The following PARD3 variants were observed in gnomAD, a reference collection of about 807,000 sequenced individuals.
The protein encoded by PARD3 is partitioning defective 3 homolog.
A neutral mutation model predicts 155.4 loss-of-function variants in PARD3; 75 were observed. That is an observed-to-expected ratio of 0.48 (90% CI 0.40 to 0.58). The LOEUF (loss-of-function observed/expected upper bound fraction) is 0.58, where lower values mean the gene tolerates loss of function less well. PARD3 is among the 20% of genes least tolerant of loss of function. The pLI, the probability that PARD3 is intolerant of heterozygous loss-of-function variation, is 0.00. For missense variants in PARD3, 1,642 were observed against 1,721.7 expected (o/e 0.95, Z 0.82); for synonymous variants, 576 against 610.5 (o/e 0.94, Z 0.83).
intron 1 of PARD3, among the ~76,000 whole-genome samples, chr10:34,747,926 G>C (rs1479366892): frequency 1.3e-5 from 2 of 152,070 alleles, no homozygotes; most frequent in Non-Finnish European, 2.9e-5. Context: ...ACTGGTCCAG[G>C]CTCCCCTTGT....
chr10:34,562,129 A>G (rs1439972050), intron 2 of PARD3, among the ~76,000 whole-genome samples: 2 of 131,446 alleles, frequency 1.5e-5, no homozygotes, highest in African/African-American at 3.8e-5. Context: ...GTCTCAAAAA[A>G]AAAAAAAAAA....
chr10:34,348,909 G>GCTA (rs1318557981), intron 14 of PARD3, among the ~76,000 whole-genome samples: 3 of 152,158 alleles, frequency 2.0e-5, no homozygotes, highest in Non-Finnish European at 2.9e-5. Context: ...TCTTAAAACA[G>GCTA]CTAGCTGTGT....
At chr10:34,419,199 T>G (rs1389295238) in intron 5 of PARD3, among the ~76,000 whole-genome samples, 3 of 152,064 alleles carry the variant, frequency 2.0e-5, no homozygotes, top group African/African-American at 7.2e-5. Flanking sequence ...GGTTCAGTGT[T>G]GAGGGGAGAA....
intron 19 of PARD3, among the ~76,000 whole-genome samples, chr10:34,321,485 G>T (rs1439780765): frequency 6.6e-6 from 1 of 152,114 alleles, no homozygotes; most frequent in African/African-American, 2.4e-5. Context: ...CAAACAAATA[G>T]AAATTTCCAT....
chr10:34,813,663 T>G (rs1431161516), intron 1 of PARD3, among the ~76,000 whole-genome samples: 1 of 152,104 alleles, frequency 6.6e-6, no homozygotes, highest in African/African-American at 2.4e-5. Context: ...AAAACAAAAG[T>G]CTAAAAAGCT....
intron 5 of PARD3, among the ~76,000 whole-genome samples, chr10:34,445,376 T>A (rs2076685528): frequency 6.6e-6 from 1 of 152,226 alleles, no homozygotes; most frequent in Non-Finnish European, 1.5e-5. Flanking sequence ...CAGATTTTAG[T>A]TTAATCAATT....
intron 22 of PARD3, among the ~76,000 whole-genome samples, chr10:34,261,793 G>GAAAGA (rs1955013823): frequency 1.1e-4 from 6 of 52,464 alleles, no homozygotes; most frequent in Admixed American, 2.2e-4. Flanking sequence ...AAGAAAGAAA[G>GAAAGA]AAAGAAAGAA....
chr10:34,399,281 T>G (rs753793526), intron 7 of PARD3, 49 bp downstream of exon 7: 1 of 1,138,750 alleles, frequency 8.8e-7, no homozygotes, highest in Admixed American at 1.7e-5. Context: ...TAAATGAAGA[T>G]AAAACACTCT....
intron 22 of PARD3, among the ~76,000 whole-genome samples, chr10:34,262,972 G>A (rs1481085215): frequency 6.6e-6 from 1 of 152,210 alleles, no homozygotes; most frequent in Non-Finnish European, 1.5e-5. Flanking sequence ...AGTTCATGAT[G>A]TGATGTAATT....
At chr10:34,192,216 T>C (rs987033988) in intron 22 of PARD3, among the ~76,000 whole-genome samples, 2 of 152,050 alleles carry the variant, frequency 1.3e-5, no homozygotes, top group Non-Finnish European at 2.9e-5. Flanking sequence ...TACAGGCATA[T>C]GTCACCATGC....
Position 34,337,324 on chromosome 10 carries a change from A to T in PARD3, c.2511T>A (p.Ser837Arg). ...EKRTKQFSDA[S>R]QLDFVKTRKS... ...TTCGTGTTTTAACGAAATCCAATTG[A>T]CTGGCATCTGAAAATTGCTTTGTGC... The change falls in exon 17 of 25, where the codon AGT (serine) becomes AGA (arginine). Residue 837 changes from serine (S) to arginine (R), a missense_variant. Coordinates refer to ENST00000374788, the MANE Select transcript of PARD3 (RefSeq NM_001184785.2). 1 of 1,602,720 alleles carries T rather than the reference A, an allele frequency of 6.2e-7. No homozygotes were observed. Among genetic ancestry groups the T allele is most frequent in the Non-Finnish European group, 8.5e-7 (1 of 1,174,636 alleles).
rs531899719 is a variant in PARD3 at position 34,532,919 on chromosome 10, A to G, written c.223-15760T>C. Among the ~76,000 whole-genome samples, 4 of 152,340 alleles carry G rather than the reference A, an allele frequency of 2.6e-5. No homozygotes were observed. The South Asian group carries it at 6.2e-4, about 24-fold the overall frequency. Reference sequence around the variant, plus strand: ...CATTGTTGTGTGAACATCATAGAGTATATTACATAAACCTGGAGGTATACC... The same window carrying G: ...CATTGTTGTGTGAACATCATAGAGTGTATTACATAAACCTGGAGGTATACC... On this transcript the variant is annotated intron_variant, in intron 2 of 24. Transcript: ENST00000374788.
At chr10:34,550,442 G>A (rs1406626358) in intron 2 of PARD3, among the ~76,000 whole-genome samples, 10 of 152,016 alleles carry the variant, frequency 6.6e-5, no homozygotes, top group Admixed American at 5.9e-4. Context: ...GAACTCCTAA[G>A]CCCAAGTATC....
chr10:34,129,740 C>G (rs1189569634), intron 23 of PARD3, among the ~76,000 whole-genome samples: 1 of 138,884 alleles, frequency 7.2e-6, no homozygotes, highest in African/African-American at 2.7e-5. Context: ...TCACTGCAGT[C>G]CCAACCTCCC....
intron 22 of PARD3, among the ~76,000 whole-genome samples, chr10:34,264,806 G>A (rs748692448): frequency 6.6e-6 from 1 of 151,188 alleles, no homozygotes; most frequent in Non-Finnish European, 1.5e-5. Flanking sequence ...CTGGAGTGCA[G>A]TGGTGCAATC....
intron 22 of PARD3, among the ~76,000 whole-genome samples, chr10:34,213,519 C>T (rs563009116): frequency 6.6e-6 from 1 of 152,358 alleles, no homozygotes; most frequent in African/African-American, 2.4e-5. Context: ...TTCATTCTCA[C>T]TTCTTACATT....
intron 12 of PARD3, among the ~76,000 whole-genome samples, chr10:34,364,112 A>T (rs1467214997): frequency 1.3e-5 from 2 of 152,188 alleles, no homozygotes; most frequent in African/African-American, 4.8e-5. Context: ...CCAAATCCAC[A>T]GTTAATCTGC....
At chr10:34,204,245 C>T (rs1181545403) in intron 22 of PARD3, among the ~76,000 whole-genome samples, 1 of 152,122 alleles carries the variant, frequency 6.6e-6, no homozygotes, top group Non-Finnish European at 1.5e-5. Flanking sequence ...GTTCAAGAGG[C>T]CAAAGGAGAG....
At chr10:34,688,143 G>GA in intron 2 of PARD3, among the ~76,000 whole-genome samples, 1 of 152,270 alleles carries the variant, frequency 6.6e-6, no homozygotes, top group South Asian at 2.1e-4. Flanking sequence ...CTGAGCCATG[G>GA]CGCCTGGCTC....
Sources: gnomAD v4.1 joint callset for allele counts (sites outside exome capture counted in the v4.1 genomes callset) on GRCh38, gnomAD v4.1.1 for gene constraint, MANE v1.5 for transcripts, NCBI Gene and HGNC (gene_info 2026-07-23, HGNC 2026-07-21) for gene names.